Variants in NCKAP5 observed in about 807,000 individuals in gnomAD.
The protein encoded by NCKAP5 is nck-associated protein 5.
Under a neutral mutation model 167.0 loss-of-function variants are expected in NCKAP5, and 92 were observed. The observed-to-expected ratio is 0.55, with a 90% CI of 0.47 to 0.66. NCKAP5 has a LOEUF of 0.66. Among genes scored for constraint, NCKAP5 ranks in the 30% least tolerant of loss-of-function variants. The pLI is 0.00. For synonymous variants in NCKAP5, 891 were observed against 877.4 expected (o/e 1.02, Z -0.27); for missense variants, 2,378 against 2,315.0 (o/e 1.03, Z -0.56).
chr2:133,455,158 T>TA (rs1691770320), intron 3 of NCKAP5, among the ~76,000 whole-genome samples: 1 of 152,108 alleles, frequency 6.6e-6, no homozygotes, highest in African/African-American at 2.4e-5. Flanking sequence ...TTTACAGAGA[T>TA]AGTCAAAGAT....
intron 5 of NCKAP5, among the ~76,000 whole-genome samples, chr2:133,189,467 C>T (rs2085108378): frequency 6.6e-6 from 1 of 152,060 alleles, no homozygotes. Flanking sequence ...CAAAGCCTGG[C>T]AGAGACACAA....
chr2:133,192,732 A>T (rs1326847497), intron 5 of NCKAP5, among the ~76,000 whole-genome samples: 1 of 152,070 alleles, frequency 6.6e-6, no homozygotes, highest in Non-Finnish European at 1.5e-5. Flanking sequence ...AGGCTAACAA[A>T]AAAACAGTCA....
intron 5 of NCKAP5, among the ~76,000 whole-genome samples, chr2:133,155,022 A>G (rs1282375907): frequency 3.3e-5 from 5 of 152,216 alleles, no homozygotes; most frequent in Admixed American, 2.0e-4. Flanking sequence ...GGTTTGAACC[A>G]TTATGCCTAT....
At chr2:133,248,201 T>C (rs2088103015) in intron 4 of NCKAP5, among the ~76,000 whole-genome samples, 1 of 152,268 alleles carries the variant, frequency 6.6e-6, no homozygotes, top group Non-Finnish European at 1.5e-5. Context: ...GGTGGAATCA[T>C]AAAGCTACCT....
chr2:132,862,576 G>A (rs1316601614), intron 10 of NCKAP5, among the ~76,000 whole-genome samples: 1 of 152,010 alleles, frequency 6.6e-6, no homozygotes. Flanking sequence ...CTTCAGCCTG[G>A]CCAACATGGC....
chr2:133,388,427 G>A (rs192806785), intron 3 of NCKAP5, among the ~76,000 whole-genome samples: 43 of 152,328 alleles, frequency 2.8e-4, no homozygotes, highest in Middle Eastern at 3.4e-3. Flanking sequence ...GTACCCGGCC[G>A]TGTGAGGTGT....
chr2:133,339,997 G>A (rs532033995), intron 3 of NCKAP5, among the ~76,000 whole-genome samples: 111 of 152,268 alleles, frequency 7.3e-4, no homozygotes, highest in African/African-American at 2.5e-3. Context: ...TTTAGCTTCC[G>A]GGTGTTAGAA....
At chr2:133,465,422 G>A (rs1051452534) in intron 3 of NCKAP5, among the ~76,000 whole-genome samples, 5 of 151,516 alleles carry the variant, frequency 3.3e-5, no homozygotes, top group Admixed American at 2.6e-4. Context: ...TGGACATTTG[G>A]GTTGGTTCCA....
chr2:133,077,647 T>C (rs1447437169), intron 6 of NCKAP5, among the ~76,000 whole-genome samples: 5 of 152,188 alleles, frequency 3.3e-5, no homozygotes, highest in African/African-American at 9.7e-5. Flanking sequence ...AACACAGTGG[T>C]GTAGAAAACA....
intron 6 of NCKAP5, among the ~76,000 whole-genome samples, chr2:133,033,359 A>T (rs916501341): frequency 6.6e-6 from 1 of 152,222 alleles, no homozygotes; most frequent in Non-Finnish European, 1.5e-5. Context: ...AAGTCCTTTC[A>T]AATATCAGGC....
intron 4 of NCKAP5, among the ~76,000 whole-genome samples, chr2:133,280,158 A>C (rs1202595853): frequency 6.6e-6 from 1 of 152,126 alleles, no homozygotes; most frequent in African/African-American, 2.4e-5. Flanking sequence ...ACCTCTATTT[A>C]AGCAAAGTAA....
chr2:133,041,836 A>C (rs1157158606), intron 6 of NCKAP5, among the ~76,000 whole-genome samples: 2 of 152,204 alleles, frequency 1.3e-5, no homozygotes, highest in Non-Finnish European at 2.9e-5. Context: ...ACAAGTAAAA[A>C]GGAAAGAAAC....
At chr2:133,347,828 C>T (rs1574763689) in intron 3 of NCKAP5, among the ~76,000 whole-genome samples, 2 of 152,310 alleles carry the variant, frequency 1.3e-5, no homozygotes, top group Non-Finnish European at 2.9e-5. Context: ...ACAGCATGCA[C>T]ATGTCATGGC....
intron 11 of NCKAP5, among the ~76,000 whole-genome samples, chr2:132,824,789 T>C (rs1687007844): frequency 6.6e-6 from 1 of 152,194 alleles, no homozygotes; most frequent in Non-Finnish European, 1.5e-5. Context: ...GCTGGCCTAG[T>C]GACTGGCAAT....
chr2:133,088,541 G>A (rs1364546086), intron 6 of NCKAP5, among the ~76,000 whole-genome samples: 2 of 152,084 alleles, frequency 1.3e-5, no homozygotes, highest in Non-Finnish European at 2.9e-5. Flanking sequence ...CCCAGAGAGA[G>A]AATGCTGCCT....
the NCKAP5 span, among the ~76,000 whole-genome samples, chr2:133,614,706 C>T: frequency 6.6e-6 from 1 of 152,138 alleles, no homozygotes; most frequent in Non-Finnish European, 1.5e-5. Context: ...GAGAACGGAA[C>T]CAAGTTGGAA....
intron 4 of NCKAP5, among the ~76,000 whole-genome samples, chr2:133,261,771 C>T (rs1308464800): frequency 2.0e-5 from 3 of 152,146 alleles, no homozygotes; most frequent in East Asian, 1.9e-4. Flanking sequence ...ATCATACTTG[C>T]GGAGGGCCAC....
At chr2:133,495,376 A>G (rs1392244992) in intron 3 of NCKAP5, among the ~76,000 whole-genome samples, 1 of 152,160 alleles carries the variant, frequency 6.6e-6, no homozygotes, top group Non-Finnish European at 1.5e-5. Context: ...CGATTCCAAA[A>G]GGCAATCTTG....
intron 19 of NCKAP5, among the ~76,000 whole-genome samples, chr2:132,723,343 T>C (rs1237708279): frequency 6.6e-6 from 1 of 151,644 alleles, no homozygotes; most frequent in Non-Finnish European, 1.5e-5. Context: ...TTTGTATTTT[T>C]AGTAGAGACG....
Sources: allele counts gnomAD v4.1 joint callset (sites outside exome capture counted in the v4.1 genomes callset), GRCh38; gene constraint gnomAD v4.1.1; transcripts MANE v1.5; gene names NCBI Gene and HGNC (gene_info 2026-07-23, HGNC 2026-07-21).